The following NEURL1B variants were observed in gnomAD, a reference collection of about 807,000 sequenced individuals.
NEURL1B encodes E3 ubiquitin-protein ligase NEURL1B.
Under a neutral mutation model 37.4 loss-of-function variants are expected in NEURL1B, and 13 were observed. The observed-to-expected ratio is 0.35, with a 90% CI of 0.23 to 0.55. The LOEUF is 0.55. NEURL1B is among the 20% of genes least tolerant of loss of function. The pLI, the probability that NEURL1B is intolerant of heterozygous loss-of-function variation, is 0.89. For synonymous variants in NEURL1B, 432 were observed against 426.6 expected (o/e 1.01, Z -0.16); for missense variants, 790 against 879.2 (o/e 0.90, Z 1.28).
At chr5:172,682,810 G>A (rs1462880427) in intron 2 of NEURL1B, among the ~76,000 whole-genome samples, 1 of 152,138 alleles carries the variant, frequency 6.6e-6, no homozygotes, top group Non-Finnish European at 1.5e-5. Context: ...TTCAAGTCGG[G>A]GCTTTGCCAC....
Position 172,641,361 on chromosome 5 carries a change from C to T in NEURL1B, c.-46C>T. 1 of 1,378,734 alleles carries T rather than the reference C, an allele frequency of 7.3e-7. No individual in the cohort carries two copies. Among genetic ancestry groups the T allele is most frequent in the Non-Finnish European group, 9.4e-7 (1 of 1,065,942 alleles). 85.4% of individuals were successfully genotyped at this position (1,378,734 alleles called of 1,614,324 possible). Reference sequence around the variant, plus strand: ...CCTGGCCCGCCGCGTAATTAGCCTCCGCGCGCCCAGAGCGCGCCGCCGCCA... The same window carrying T: ...CCTGGCCCGCCGCGTAATTAGCCTCTGCGCGCCCAGAGCGCGCCGCCGCCA... On this transcript the variant is annotated 5_prime_UTR_variant, in exon 1 of 5. Coordinates refer to ENST00000369800, the MANE Select transcript of NEURL1B (RefSeq NM_001142651.3). The surrounding 1 kb of genome is among the most constrained non-coding windows in gnomAD (Gnocchi z 6.4).
At position 172,663,054 on chromosome 5, in the gene NEURL1B, AAAT is replaced by A. The variant is rs141585182; in HGVS notation, c.32-6720_32-6718del. Among the ~76,000 whole-genome samples, 8 of 148,084 alleles carry A rather than the reference AAAT, an allele frequency of 5.4e-5. No homozygotes were observed. In the East Asian group the frequency reaches 5.9e-4, roughly 11 times the overall value. On this transcript the variant is annotated intron_variant, in intron 1 of 4. Transcript: ENST00000369800. ...CCAGCCCCAGCAACCCTGACTCTACAAATAATAATAATAGCCGGGTGTGGTGGC... is the reference window on the plus strand; with the variant it reads ...CCAGCCCCAGCAACCCTGACTCTACAAATAATAATAGCCGGGTGTGGTGGC...
rs910379816 is a variant in NEURL1B, at chr5:172,676,906, A to G, written c.578-6513A>G. The stretch of plus-strand genomic sequence containing the variant: ...GAGTTTGTTCATTATTGTTATAAAC[A>G]AAGTGTGTGATAAAGACCTGAACTT... On this transcript the variant is annotated intron_variant, in intron 2 of 4. Coordinates refer to ENST00000369800, the MANE Select transcript of NEURL1B (RefSeq NM_001142651.3). This position sits in a 1 kb window ranked among gnomAD's most constrained non-coding sequence, Gnocchi z 4.5. 6.6e-6 allele frequency among the ~76,000 whole-genome samples: 1 copy of G among 152,228 alleles called. No individual in the cohort carries two copies. The highest frequency in any genetic ancestry group is 2.4e-5 in the African/African-American group (1 of 41,458).
rs2113343300 is a variant in NEURL1B at position 172,687,713 on chromosome 5, C to G, written c.*788C>G. 1 of 152,232 alleles carries G rather than the reference C, an allele frequency of 6.6e-6. No individual in the cohort carries two copies. The highest frequency in any genetic ancestry group is 2.1e-4 in the South Asian group (1 of 4,810). The allele number at this position is 152,232 out of a possible 1,614,324, so 9.4% of individuals were successfully genotyped here. On this transcript the variant is annotated 3_prime_UTR_variant, in exon 5 of 5. Transcript: ENST00000369800. ...ATAATACACACATCATACCTTGTCT[C>G]CGTCTCTGGAGGCAAGTCTCTGTAA...
Position 172,686,318 on chromosome 5 carries a change from CA to C in NEURL1B, c.1423+23del, listed in dbSNP as rs1561654580. ...CTGGGTAAGGAAATGCAAACCCTGG[CA>C]GGGGCAGGGGCTGGCGGCTGGCCTG... On this transcript the variant is annotated intron_variant, in intron 4 of 4. Transcript: ENST00000369800. This position sits in a 1 kb window ranked among gnomAD's most constrained non-coding sequence, Gnocchi z 7.9. The C allele has an allele frequency of 3.9e-6, 6 of 1,550,486 alleles. No individual in the cohort carries two copies. The Admixed American group carries it at 1.2e-4, about 30-fold the overall frequency.
Position 172,663,520 on chromosome 5 carries a change from C to CA in NEURL1B, c.32-6243dup, listed in dbSNP as rs34033673. 1.6e-3 allele frequency among the ~76,000 whole-genome samples: 181 copies of CA among 110,988 alleles called. 1 individual carries two copies. Among genetic ancestry groups the CA allele is most frequent in the Middle Eastern group, 0.014 (3 of 212 alleles). 72.8% of individuals were successfully genotyped at this position (110,988 alleles called of 152,430 possible). On this transcript the variant is annotated intron_variant, in intron 1 of 4. Transcript: ENST00000369800. ...TGGGGGACAGAGGAAGACTCCATCT[C>CA]AAAAAAAAAAAAAAAAAAAAAAGCC...
chr5:172,683,565 G>C lies in NEURL1B; in HGVS notation c.724G>C (p.Ala242Pro). 7.0e-7 allele frequency: 1 copy of C among 1,433,408 alleles called. No homozygotes were observed. The highest frequency in any genetic ancestry group is 9.1e-7 in the Non-Finnish European group (1 of 1,093,932). 88.8% of individuals were successfully genotyped at this position (1,433,408 alleles called of 1,614,324 possible). ...NQVVAKLGHL[A>P]LGRAPGPPPA... is the part of the protein sequence containing the mutation. ...GGTGGTGGCCAAGCTGGGCCACCTG[G>C]CGCTGGGCCGCGCCCCGGGCCCACC... The change falls in exon 3 of 5, where the codon GCG becomes CCG. Residue 242 changes from alanine (A) to proline (P), a missense_variant. By Grantham distance (27) the Ala-to-Pro change is conservative (BLOSUM62 -1). Around this residue, in one of 3 missense-constraint regions of NEURL1B, gnomAD observed 460 missense variants for 407.4 expected, o/e 1.13. Transcript: ENST00000369800. The surrounding 1 kb of genome is among the most constrained non-coding windows in gnomAD (Gnocchi z 5.6).
At position 172,686,915 on chromosome 5, in the gene NEURL1B, A is replaced by C; in HGVS notation, c.1658A>C (p.Tyr553Ser). 1 of 1,548,554 alleles carries C rather than the reference A, an allele frequency of 6.5e-7. No homozygotes were observed. Among genetic ancestry groups the C allele is most frequent in the South Asian group, 1.2e-5 (1 of 83,990 alleles). Residue 553 changes from tyrosine to serine, a missense_variant, in exon 5 of 5, where the codon TAC becomes TCC. This residue lies in a region of NEURL1B where 115 missense variants were observed against 162.6 expected (regional missense o/e 0.71). Coordinates refer to ENST00000369800, the MANE Select transcript of NEURL1B (RefSeq NM_001142651.3). This position sits in a 1 kb window ranked among gnomAD's most constrained non-coding sequence, Gnocchi z 7.9. ...RRPIKDVIKI[Y>S]RP ...CCCATCAAGGACGTCATTAAGATCT[A>C]CAGGCCATAGCCTAGCCTGCCCACG...
rs1347324389 is a variant in NEURL1B at position 172,690,379 on chromosome 5, C to T, written c.*3454C>T. The T allele has an allele frequency of 5.3e-5, 8 of 152,314 alleles. No homozygotes were observed. Among genetic ancestry groups the T allele is most frequent in the East Asian group, 3.9e-4 (2 of 5,180 alleles). 9.4% of individuals were successfully genotyped at this position (152,314 alleles called of 1,614,324 possible). A position where few individuals can be genotyped will look rare whatever the true frequency, so the allele number is the denominator to read the frequency against. On this transcript the variant is annotated 3_prime_UTR_variant, in exon 5 of 5. Coordinates refer to ENST00000369800, the MANE Select transcript of NEURL1B (RefSeq NM_001142651.3). ...ACAGGGTGAACTTTTCTCTGACCCC[C>T]GGTGCTGGTCCTGTGCCAGCACGTA...
At chr5:172,677,193 A>T (rs1386658846) in intron 2 of NEURL1B, among the ~76,000 whole-genome samples, 1 of 151,928 alleles carries the variant, frequency 6.6e-6, no homozygotes, top group Non-Finnish European at 1.5e-5. Flanking sequence ...CTTTGCGGTT[A>T]ATGTTCTTTT....
At chr5:172,652,311 A>G (rs1442689687) in intron 1 of NEURL1B, among the ~76,000 whole-genome samples, 2 of 152,262 alleles carry the variant, frequency 1.3e-5, no homozygotes, top group African/African-American at 2.4e-5. Context: ...CTGGAAGACC[A>G]CCTTAGTGGA....
chr5:172,672,546 C>CCG (rs1554098440), intron 2 of NEURL1B, among the ~76,000 whole-genome samples: 6 of 147,384 alleles, frequency 4.1e-5, no homozygotes, highest in African/African-American at 1.5e-4. Context: ...ACTCTCCCCC[C>CCG]CCCACTCTAT....
Position 172,676,153 on chromosome 5 carries a change from GAAAAAA to G in NEURL1B, c.577+5833_577+5838del, listed in dbSNP as rs201530945. 1.5e-5 allele frequency among the ~76,000 whole-genome samples: 2 copies of G among 131,496 alleles called. No individual in the cohort carries two copies. The highest frequency in any genetic ancestry group is 5.6e-5 in the African/African-American group (2 of 35,552). 86.3% of individuals were successfully genotyped at this position (131,496 alleles called of 152,430 possible). ...GAAACTCAGTTCAGTCTCACTTAAGGAAAAAAAAAAAAAAAGAGGAAGCATTAATGT... is the reference window on the plus strand; with the variant it reads ...GAAACTCAGTTCAGTCTCACTTAAGGAAAAAAAAAGAGGAAGCATTAATGT... On this transcript the variant is annotated intron_variant, in intron 2 of 4. Transcript: ENST00000369800. This position sits in a 1 kb window ranked among gnomAD's most constrained non-coding sequence, Gnocchi z 4.5.
At chr5:172,662,151 A>T (rs1244257307) in intron 1 of NEURL1B, 1 of 153,294 alleles carries the variant, frequency 6.5e-6, no homozygotes, top group African/African-American at 2.4e-5. Flanking sequence ...TACATGCCAC[A>T]CACTGTGTGT....
chr5:172,685,198 A>G (rs1209896545), intron 3 of NEURL1B, among the ~76,000 whole-genome samples: 3 of 152,194 alleles, frequency 2.0e-5, no homozygotes, highest in Non-Finnish European at 4.4e-5. Flanking sequence ...TGTGCATATA[A>G]TGCCTTGAGC....
intron 1 of NEURL1B, among the ~76,000 whole-genome samples, chr5:172,654,333 G>A (rs547387003): frequency 2.0e-5 from 3 of 152,166 alleles, no homozygotes; most frequent in Non-Finnish European, 2.9e-5. Context: ...TTTTACAAGA[G>A]TTTCCTTATC....
At chr5:172,681,643 T>C (rs1758355905) in intron 2 of NEURL1B, among the ~76,000 whole-genome samples, 2 of 152,224 alleles carry the variant, frequency 1.3e-5, no homozygotes, top group Non-Finnish European at 2.9e-5. Flanking sequence ...AGAATTCAGG[T>C]CCTACTGCCA....
At chr5:172,660,519 G>A (rs1325023670) in intron 1 of NEURL1B, among the ~76,000 whole-genome samples, 1 of 152,222 alleles carries the variant, frequency 6.6e-6, no homozygotes, top group African/African-American at 2.4e-5. Context: ...TTTCCCTTGG[G>A]GATGCTGGCC....
intron 1 of NEURL1B, among the ~76,000 whole-genome samples, chr5:172,646,037 G>A (rs1407730649): frequency 2.0e-5 from 3 of 152,198 alleles, no homozygotes; most frequent in African/African-American, 4.8e-5. Flanking sequence ...TGCGCATGCG[G>A]GTGTGTGTGA....
Sources: allele counts gnomAD v4.1 joint callset (sites outside exome capture counted in the v4.1 genomes callset), GRCh38; gene constraint gnomAD v4.1.1; regional missense constraint gnomAD v4.1.1; non-coding constraint Gnocchi (gnomAD v3.1); transcripts MANE v1.5; gene names NCBI Gene and HGNC (gene_info 2026-07-23, HGNC 2026-07-21).